Variants in HCN1 observed in about 807,000 individuals in gnomAD.
HCN1 encodes the protein potassium/sodium hyperpolarization-activated cyclic nucleotide-gated channel 1.
A neutral mutation model predicts 78.9 loss-of-function variants in HCN1; 13 were observed. That is an observed-to-expected ratio of 0.16 (90% confidence interval 0.11 to 0.26). The LOEUF is 0.26. Ranked by LOEUF, HCN1 falls within the 10% of genes least tolerant of loss-of-function variation. The pLI is 1.00. For missense variants in HCN1, 810 were observed against 1,154.3 expected (o/e 0.70, Z 4.32); for synonymous variants, 552 against 455.5 (o/e 1.21, Z -2.70).
chr5:45,323,876 A>G (rs930595341), intron 5 of HCN1, among the ~76,000 whole-genome samples: 32 of 151,866 alleles, frequency 2.1e-4, no homozygotes, highest in Non-Finnish European at 3.5e-4. Context: ...CCATGTCCCT[A>G]CAAAGGACAT....
chr5:45,357,670 T>C (rs941543157), intron 4 of HCN1, among the ~76,000 whole-genome samples: 1 of 152,116 alleles, frequency 6.6e-6, no homozygotes, highest in African/African-American at 2.4e-5. Context: ...GTTTCAGTAA[T>C]GTCTTTGGTG....
At chr5:45,565,416 C>T (rs1001157844) in intron 2 of HCN1, among the ~76,000 whole-genome samples, 1 of 152,112 alleles carries the variant, frequency 6.6e-6, no homozygotes, top group African/African-American at 2.4e-5. Flanking sequence ...ATAATCATGC[C>T]TGTTCCACCA....
At chr5:45,638,857 G>T (rs1390222172) in intron 2 of HCN1, among the ~76,000 whole-genome samples, 2 of 152,106 alleles carry the variant, frequency 1.3e-5, no homozygotes, top group African/African-American at 4.8e-5. Context: ...AGCCGAGATG[G>T]AACCAACTAC....
chr5:45,384,316 C>A (rs1003075755), intron 4 of HCN1, among the ~76,000 whole-genome samples: 1 of 152,142 alleles, frequency 6.6e-6, no homozygotes, highest in African/African-American at 2.4e-5. Context: ...GTCTATATTA[C>A]ATCCAATATA....
chr5:45,516,879 C>T (rs932058434), intron 2 of HCN1, among the ~76,000 whole-genome samples: 3 of 114,660 alleles, frequency 2.6e-5, no homozygotes, highest in African/African-American at 1.3e-4. Context: ...CATATCATGT[C>T]CCATATATTA....
At chr5:45,334,105 A>C (rs151027799) in intron 5 of HCN1, among the ~76,000 whole-genome samples, 74 of 152,036 alleles carry the variant, frequency 4.9e-4, no homozygotes, top group Non-Finnish European at 8.8e-5. Context: ...AACTATAGAA[A>C]TAAGGCATGG....
At chr5:45,354,929 G>T (rs1746980011) in intron 4 of HCN1, among the ~76,000 whole-genome samples, 1 of 151,968 alleles carries the variant, frequency 6.6e-6, no homozygotes, top group African/African-American at 2.4e-5. Context: ...GGAAATTAGT[G>T]CTTGTATGCA....
At chr5:45,266,515 C>T (rs1427574859) in intron 7 of HCN1, among the ~76,000 whole-genome samples, 3 of 151,838 alleles carry the variant, frequency 2.0e-5, no homozygotes, top group African/African-American at 7.3e-5. Context: ...TGCTTTTTAC[C>T]TGAAGATTCA....
At chr5:45,613,952 G>A (rs1744893363) in intron 2 of HCN1, among the ~76,000 whole-genome samples, 1 of 152,104 alleles carries the variant, frequency 6.6e-6, no homozygotes, top group Admixed American at 6.6e-5. Flanking sequence ...GGGAGAAATG[G>A]TTACTGTAAT....
At chr5:45,603,103 C>G (rs935267958) in intron 2 of HCN1, among the ~76,000 whole-genome samples, 2 of 151,988 alleles carry the variant, frequency 1.3e-5, no homozygotes, top group African/African-American at 4.8e-5. Context: ...ACTTTTCATC[C>G]CTTTAGGAGT....
chr5:45,462,189 C>T (rs1354830881), intron 2 of HCN1, among the ~76,000 whole-genome samples, 182 bp from the exon 3 acceptor site: 2 of 152,110 alleles, frequency 1.3e-5, no homozygotes, highest in Non-Finnish European at 2.9e-5. Flanking sequence ...TGACACTCCA[C>T]TTTATGAATA....
At chr5:45,421,832 A>G (rs753906926) in intron 3 of HCN1, among the ~76,000 whole-genome samples, 11 of 152,144 alleles carry the variant, frequency 7.2e-5, no homozygotes, top group Non-Finnish European at 1.6e-4. Context: ...CATCCTGACT[A>G]TGTCCTCATG....
intron 5 of HCN1, among the ~76,000 whole-genome samples, chr5:45,323,600 A>T (rs1216546019): frequency 1.3e-5 from 2 of 152,020 alleles, no homozygotes; most frequent in African/African-American, 2.4e-5. Flanking sequence ...GTTTTACAGT[A>T]CATATGCACA....
intron 5 of HCN1, among the ~76,000 whole-genome samples, chr5:45,335,167 A>G (rs1351249457): frequency 6.6e-6 from 1 of 151,948 alleles, no homozygotes; most frequent in African/African-American, 2.4e-5. Context: ...TGAACTTTGG[A>G]GACAGGCTCA....
intron 5 of HCN1, among the ~76,000 whole-genome samples, chr5:45,350,379 A>T (rs900608081): frequency 1.3e-5 from 2 of 152,200 alleles, no homozygotes; most frequent in African/African-American, 4.8e-5. Context: ...GTATCTCAAA[A>T]TAATAAGAGC....
chr5:45,414,294 AAAC>A (rs1434764048), intron 3 of HCN1, among the ~76,000 whole-genome samples: 2 of 152,094 alleles, frequency 1.3e-5, no homozygotes, highest in East Asian at 3.9e-4. Context: ...CCTTCCCAAA[AAAC>A]AATCAACAGA....
Position 45,257,950 on chromosome 5 carries a change from G to T in HCN1, c.*3971C>A. 6.6e-6 allele frequency: 1 copy of T among 152,026 alleles called. No individual in the cohort carries two copies. The highest frequency in any genetic ancestry group is 2.4e-5 in the African/African-American group (1 of 41,324). 9.4% of individuals were successfully genotyped at this position (152,026 alleles called of 1,614,324 possible). A position where few individuals can be genotyped will look rare whatever the true frequency, so the allele number is the denominator to read the frequency against. ...GCCCATGTTTCTTTCCCATGGTACA[G>T]TATGAGTACTTTTTAAAGTAGGTGA... On this transcript the variant is annotated 3_prime_UTR_variant, in exon 8 of 8. Coordinates refer to ENST00000303230, the MANE Select transcript of HCN1 (RefSeq NM_021072.4).
At chr5:45,375,308 A>C (rs1285338217) in intron 4 of HCN1, among the ~76,000 whole-genome samples, 4 of 119,128 alleles carry the variant, frequency 3.4e-5, no homozygotes, top group Non-Finnish European at 4.8e-5. Flanking sequence ...ATGATATACA[A>C]TATATATAAT....
At chr5:45,508,603 A>T (rs1742353303) in intron 2 of HCN1, among the ~76,000 whole-genome samples, 1 of 152,106 alleles carries the variant, frequency 6.6e-6, no homozygotes, top group African/African-American at 2.4e-5. Flanking sequence ...TGCCACTGAA[A>T]AGCTTCAAAA....
Sources: allele counts gnomAD v4.1 joint callset (sites outside exome capture counted in the v4.1 genomes callset), GRCh38; gene constraint gnomAD v4.1.1; transcripts MANE v1.5; gene names NCBI Gene and HGNC (gene_info 2026-07-23, HGNC 2026-07-21).